ACOT7: variants seen among roughly 807,000 people sequenced by gnomAD.
ACOT7 encodes the protein cytosolic acyl coenzyme A thioester hydrolase.
ACOT7 carries 12 observed loss-of-function variants against 40.2 expected under a neutral mutation model. That is an observed-to-expected ratio of 0.30 (90% CI 0.19 to 0.48). The LOEUF (loss-of-function observed/expected upper bound fraction) is 0.48. ACOT7 is among the 20% of genes least tolerant of loss of function. The pLI, the probability that ACOT7 is intolerant of heterozygous loss-of-function variation, is 0.99. For missense variants in ACOT7, 395 were observed against 530.8 expected (o/e 0.74, Z 2.51); for synonymous variants, 228 against 219.5 (o/e 1.04, Z -0.34).
At position 6,299,558 on chromosome 1, in the gene ACOT7, G is replaced by A. The variant is rs532506347; in HGVS notation, c.713-4578C>T. On this transcript the variant is annotated intron_variant, in intron 6 of 8. Transcript: ENST00000361521. This position sits in a 1 kb window ranked among gnomAD's most constrained non-coding sequence, Gnocchi z 4.1. ...CACACAGAGGGCACAGAGGACAGTC[G>A]GCCTCCCCTTACCGGACGCCACACA... Among the ~76,000 whole-genome samples, 3 of 151,636 alleles carry A rather than the reference G, an allele frequency of 2.0e-5. No homozygotes were observed. The highest frequency in any genetic ancestry group is 4.8e-5 in the African/African-American group (2 of 41,272).
intron 5 of ACOT7, among the ~76,000 whole-genome samples, chr1:6,319,557 A>G (rs185961442): frequency 4.9e-4 from 75 of 152,352 alleles, no homozygotes; most frequent in African/African-American, 1.8e-3. Flanking sequence ...AAGAAAATGG[A>G]ATTACCATGA....
chr1:6,377,510 T>C (rs1190884149), intron 1 of ACOT7, among the ~76,000 whole-genome samples: 2 of 152,170 alleles, frequency 1.3e-5, no homozygotes, highest in Admixed American at 6.5e-5. Context: ...TCAGATAACA[T>C]GGGTCAATTC....
At chr1:6,318,599 G>A (rs1158128686) in intron 5 of ACOT7, 21 bp from the exon 6 acceptor site, 6 of 1,611,394 alleles carry the variant, frequency 3.7e-6, no homozygotes, top group Middle Eastern at 1.7e-4. Context: ...AAAAGAGAGA[G>A]ATTAGTTATG....
Position 6,329,272 on chromosome 1 carries a change from AG to A in ACOT7, c.511-1860del, listed in dbSNP as rs1640890796. ...TCAGTTGAGAACCCATCTTCAAAAG[AG>A]GCTGAGAAGGGAGCTGAAGCGTTTG... On this transcript the variant is annotated intron_variant, in intron 4 of 8. Transcript: ENST00000361521. Among the ~76,000 whole-genome samples, 2 of 152,246 alleles carry A rather than the reference AG, an allele frequency of 1.3e-5. 1 individual carries two copies. The highest frequency in any genetic ancestry group is 4.1e-4 in the South Asian group (2 of 4,832).
intron 1 of ACOT7, among the ~76,000 whole-genome samples, chr1:6,378,187 A>G: frequency 7.4e-6 from 1 of 134,906 alleles, no homozygotes; most frequent in Admixed American, 7.3e-5. Context: ...GGTGCCCGAG[A>G]GGTAGTGGCT....
chr1:6,280,995 G>C, intron 8 of ACOT7, 107 bp downstream of exon 8: 1 of 1,445,570 alleles, frequency 6.9e-7, no homozygotes, highest in Non-Finnish European at 9.4e-7. Context: ...GACCCCTACT[G>C]ACAGGACAGG....
At position 6,304,819 on chromosome 1, in the gene ACOT7, C is replaced by T. The variant is rs1285288122; in HGVS notation, c.713-9839G>A. On this transcript the variant is annotated intron_variant, in intron 6 of 8. Transcript: ENST00000361521. ...CTTTCTACACAGACACGGCAACCAT[C>T]CGATTTCTCAATCTTTTCCCCACCT... 5.0e-5 allele frequency among the ~76,000 whole-genome samples: 7 copies of T among 139,882 alleles called. No homozygotes were observed. The East Asian group carries it at 1.0e-3, about 20-fold the overall frequency. 91.8% of individuals were successfully genotyped at this position (139,882 alleles called of 152,430 possible). A position where few individuals can be genotyped will look rare whatever the true frequency, so the allele number is the denominator to read the frequency against.
intron 1 of ACOT7, among the ~76,000 whole-genome samples, chr1:6,366,573 T>TG (rs1012783460): frequency 1.1e-4 from 16 of 145,210 alleles, no homozygotes; most frequent in African/African-American, 4.2e-4. Flanking sequence ...GGTGACAGAG[T>TG]GGGAGCCTAT....
intron 5 of ACOT7, among the ~76,000 whole-genome samples, chr1:6,318,844 C>A (rs1440190963): frequency 2.6e-5 from 4 of 152,182 alleles, no homozygotes; most frequent in Non-Finnish European, 5.9e-5. Flanking sequence ...AGGCCCTGCC[C>A]AGGGGTAGCC....
intron 1 of ACOT7, among the ~76,000 whole-genome samples, chr1:6,370,268 C>T (rs1182508209): frequency 6.6e-6 from 1 of 152,090 alleles, no homozygotes; most frequent in Non-Finnish European, 1.5e-5. Context: ...TGGTGCCATG[C>T]TTCCTGTACA....
Position 6,327,316 on chromosome 1 carries a change from T to C in ACOT7, c.608A>G (p.Gln203Arg), listed in dbSNP as rs1399629667. 3.1e-6 allele frequency: 5 copies of C among 1,614,082 alleles called. No homozygotes were observed. Among genetic ancestry groups the C allele is most frequent in the Non-Finnish European group, 4.2e-6 (5 of 1,180,032 alleles). The change falls in exon 5 of 9, where the codon CAG becomes CGG. Residue 203 changes from glutamine (Q) to arginine (R), a missense_variant. Around this residue, in one of 2 missense-constraint regions of ACOT7, gnomAD observed 309 missense variants for 470.3 expected, o/e 0.66. Transcript: ENST00000361521. ...GCTCTTACCTGGGTTGAGGACTGGC[T>C]GGACGATGTCCCCGTTCCTCCACTT... ...ETKWRNGDIV[Q>R]PVLNPEPNTV... is the part of the protein sequence containing the mutation.
Position 6,373,329 on chromosome 1 carries a change from C to A in ACOT7, c.143+19928G>T, listed in dbSNP as rs760698409. 2.0e-5 allele frequency among the ~76,000 whole-genome samples: 3 copies of A among 152,096 alleles called. 1 individual carries two copies. Among genetic ancestry groups the A allele is most frequent in the African/African-American group, 7.2e-5 (3 of 41,432 alleles). ...GTAGTGGCATGATCCCAGCTCACTG[C>A]AACCTCTGCCTCCCAGGTTCAAGTG... On this transcript the variant is annotated intron_variant, in intron 1 of 8. Transcript: ENST00000361521.
rs1231554503 is a variant in ACOT7 at position 6,301,081 on chromosome 1, G to A, written c.713-6101C>T. ...TCCCAAGATGATTGCAGGAAGGAGC[G>A]TTCAAAGTCACAGACCCAGAGTGTC... On this transcript the variant is annotated intron_variant, in intron 6 of 8. Coordinates refer to ENST00000361521, the MANE Select transcript of ACOT7 (RefSeq NM_007274.4). The surrounding 1 kb of genome is among the most constrained non-coding windows in gnomAD (Gnocchi z 4.1). 2.0e-5 allele frequency among the ~76,000 whole-genome samples: 3 copies of A among 152,192 alleles called. No individual in the cohort carries two copies. The highest frequency in any genetic ancestry group is 2.1e-4 in the South Asian group (1 of 4,834).
At chr1:6,389,030 G>GACTCCGTCTCAAGAAAAAAAAAAAAAA (rs1642489054) in intron 1 of ACOT7, among the ~76,000 whole-genome samples, 1 of 149,394 alleles carries the variant, frequency 6.7e-6, no homozygotes, top group Non-Finnish European at 1.5e-5. Context: ...AACAGAGTGA[G>GACTCCGTCTCAAGAAAAAAAAAAAAAA]ACTCCGTCTC....
rs1641182393 is a variant in ACOT7, at chr1:6,338,847, G to C, written c.418+586C>G. Among the ~76,000 whole-genome samples, 1 of 152,196 alleles carries C rather than the reference G, an allele frequency of 6.6e-6. No homozygotes were observed. Among genetic ancestry groups the C allele is most frequent in the African/African-American group, 2.4e-5 (1 of 41,450 alleles). Reference sequence around the variant, plus strand: ...AGCCTGGGTATAAAAAGAAGCGTGAGCTGGTGAACACTGGAGCCGCCCCCT... The same window carrying C: ...AGCCTGGGTATAAAAAGAAGCGTGACCTGGTGAACACTGGAGCCGCCCCCT... On this transcript the variant is annotated intron_variant, in intron 3 of 8. Transcript: ENST00000361521. This position sits in a 1 kb window ranked among gnomAD's most constrained non-coding sequence, Gnocchi z 4.4.
intron 7 of ACOT7, among the ~76,000 whole-genome samples, chr1:6,292,061 C>A (rs1427420209): frequency 6.6e-6 from 1 of 152,230 alleles, no homozygotes; most frequent in East Asian, 1.9e-4. Flanking sequence ...GAAAACAACA[C>A]ACGAGTGTGA....
intron 1 of ACOT7, among the ~76,000 whole-genome samples, chr1:6,387,412 T>A (rs963964216): frequency 6.6e-6 from 1 of 152,192 alleles, no homozygotes. Context: ...CTATTCAAGT[T>A]TCCCCATTAT....
intron 6 of ACOT7, among the ~76,000 whole-genome samples, chr1:6,317,668 G>A (rs1458199791): frequency 6.6e-6 from 1 of 152,062 alleles, no homozygotes; most frequent in Non-Finnish European, 1.5e-5. Flanking sequence ...AGCCTCCCCA[G>A]GGACGCAGTC....
rs1013138072 is a variant in ACOT7 at position 6,355,896 on chromosome 1, C to A, written c.144-6030G>T. 6.6e-6 allele frequency among the ~76,000 whole-genome samples: 1 copy of A among 152,086 alleles called. No homozygotes were observed. Among genetic ancestry groups the A allele is most frequent in the Non-Finnish European group, 1.5e-5 (1 of 67,984 alleles). On this transcript the variant is annotated intron_variant, in intron 1 of 8. Coordinates refer to ENST00000361521, the MANE Select transcript of ACOT7 (RefSeq NM_007274.4). The surrounding 1 kb of genome is among the most constrained non-coding windows in gnomAD (Gnocchi z 5.0). ...TGGCAGGGAGGGGAGCCGCTCCTGC[C>A]CCCTGGCCTCACCTTGAGGGCTGGC... is the stretch of plus-strand genomic sequence containing the variant.
Sources: allele counts gnomAD v4.1 joint callset (sites outside exome capture counted in the v4.1 genomes callset), GRCh38; gene constraint gnomAD v4.1.1; regional missense constraint gnomAD v4.1.1; non-coding constraint Gnocchi (gnomAD v3.1); transcripts MANE v1.5; gene names NCBI Gene and HGNC (gene_info 2026-07-23, HGNC 2026-07-21).